The following ABCA4 variants were observed in gnomAD, a reference collection of about 807,000 sequenced individuals.
ABCA4 encodes the protein retinal-specific phospholipid-transporting ATPase ABCA4.
A neutral mutation model predicts 263.7 loss-of-function variants in ABCA4; 196 were observed. That is an observed-to-expected ratio of 0.74 (90% CI 0.66 to 0.84). ABCA4 has a LOEUF of 0.84. ABCA4 is among the 40% of genes least tolerant of loss of function. ABCA4 has a pLI of 0.00. For missense variants in ABCA4, 2,792 were observed against 2,855.1 expected (o/e 0.98, Z 0.50); for synonymous variants, 1,133 against 1,094.2 (o/e 1.04, Z -0.70).
At chr1:94,062,526 C>A in intron 13 of ABCA4, 51 bp downstream of exon 13, 1 of 1,603,446 alleles carries the variant, frequency 6.2e-7, no homozygotes, top group Non-Finnish European at 8.5e-7. Context: ...CAGCCCACTC[C>A]AGCACCCCCA....
At position 94,043,463 on chromosome 1, in the gene ABCA4, A is replaced by C. The variant is rs886046565; in HGVS notation, c.3063T>G (p.Ala1021=). 7 of 1,614,212 alleles carry C rather than the reference A, an allele frequency of 4.3e-6. No individual in the cohort carries two copies. In the East Asian group the frequency reaches 1.6e-4, roughly 36 times the overall value. Residue 1021 remains alanine (A), a synonymous_variant, in exon 21 of 50, where the codon GCT becomes GCG. Transcript: ENST00000370225. The part of the protein sequence containing the change: ...HNILFHHLTV[A]EHMLFYAQLK... ...GCTGGGCATAGAACAGCATGTGCTC[A>C]GCCACCGTGAGGCTAGGAGGATGGG...
In ABCA4 at chr1:94,019,645, G is replaced by T. The variant is rs560385739; in HGVS notation, c.5133C>A (p.His1711Gln). 4 of 1,612,776 alleles carry T rather than the reference G, an allele frequency of 2.5e-6. No individual in the cohort carries two copies. In the East Asian group the frequency reaches 6.7e-5, roughly 27 times the overall value. ...LIQERVNKSK[H>Q]LQFISGVSPT... Reference sequence around the variant, plus strand: ...GGCTCACTCCACTGATAAACTGGAGGTGCTTGGATTTGTTCACCCGCTCCT... The same window carrying T: ...GGCTCACTCCACTGATAAACTGGAGTTGCTTGGATTTGTTCACCCGCTCCT... The change falls in exon 36 of 50, where the codon CAC (histidine) becomes CAA (glutamine). Residue 1711 changes from histidine to glutamine, a missense_variant. Physicochemically the swap from His to Gln is conservative, Grantham distance 24. Transcript: ENST00000370225.
At chr1:94,041,160 T>C in intron 23 of ABCA4, 49 bp downstream of exon 23, 2 of 1,600,876 alleles carry the variant, frequency 1.2e-6, no homozygotes, top group South Asian at 2.2e-5. Context: ...CCCCGTGCTG[T>C]GTGCTCCTTC....
At chr1:94,016,493 C>T (rs960036399) in intron 36 of ABCA4, among the ~76,000 whole-genome samples, 1 of 152,060 alleles carries the variant, frequency 6.6e-6, no homozygotes, top group African/African-American at 2.4e-5. Context: ...GCAGCTGGAG[C>T]AGGGAGAGGA....
chr1:94,078,665 C>T lies in ABCA4; in HGVS notation c.1281G>A (p.Leu427=), dbSNP rs772208357. 1.9e-6 allele frequency: 3 copies of T among 1,612,268 alleles called. No individual in the cohort carries two copies. The Admixed American group carries it at 5.0e-5, about 27-fold the overall frequency. ...TFEELEHVRK[L]VKAWEEVGPQ... ...GCCCTACTTCTTCCCAGGCTTTGAC[C>T]AACTTCCTAACGTGTTCCAGTTCTT... is the stretch of plus-strand genomic sequence containing the variant. Residue 427 remains leucine (L), a synonymous_variant, in exon 10 of 50, where the codon TTG becomes TTA. Coordinates refer to ENST00000370225, the MANE Select transcript of ABCA4 (RefSeq NM_000350.3).
Position 94,062,837 on chromosome 1 carries a change from C to A in ABCA4, c.1761-84G>T, listed in dbSNP as rs1661169183. 2.1e-6 allele frequency: 3 copies of A among 1,426,664 alleles called. 1 individual carries two copies. In the South Asian group the frequency reaches 3.6e-5, roughly 17 times the overall value. 88.4% of individuals were successfully genotyped at this position (1,426,664 alleles called of 1,614,324 possible). Reference sequence around the variant, plus strand: ...CCCGACCACAGGGTGACTCGGAACTCATTCTCTTAAAATCTTTCTCCTAAA... The same window carrying A: ...CCCGACCACAGGGTGACTCGGAACTAATTCTCTTAAAATCTTTCTCCTAAA... On this transcript the variant is annotated intron_variant, in intron 12 of 49. Transcript: ENST00000370225.
At chr1:94,056,172 A>C (rs1173890456) in intron 15 of ABCA4, among the ~76,000 whole-genome samples, 1 of 152,226 alleles carries the variant, frequency 6.6e-6, no homozygotes, top group Non-Finnish European at 1.5e-5. Flanking sequence ...TTGTGGAAAT[A>C]CTCCAATTCA....
chr1:94,007,774 A>G (rs1659432738), intron 42 of ABCA4, 34 bp from the exon 43 acceptor site: 1 of 1,582,340 alleles, frequency 6.3e-7, no homozygotes, highest in Admixed American at 1.7e-5. Flanking sequence ...CTGGCCCTAG[A>G]GATCAAGAAG....
intron 25 of ABCA4, 129 bp from the exon 26 acceptor site, chr1:94,036,917 A>G (rs1660353607): frequency 1.0e-6 from 1 of 984,728 alleles, no homozygotes; most frequent in Non-Finnish European, 1.6e-6. Flanking sequence ...CTATCTGAGA[A>G]CATCATCTTC....
chr1:94,080,397 T>C, intron 8 of ABCA4, 81 bp downstream of exon 8: 1 of 1,581,874 alleles, frequency 6.3e-7, no homozygotes, highest in Non-Finnish European at 8.7e-7. Context: ...CAACCCCAGG[T>C]TTGGTTTCAC....
intron 11 of ABCA4, 44 bp from the exon 12 acceptor site, chr1:94,063,361 T>C: frequency 6.4e-7 from 1 of 1,570,682 alleles, no homozygotes; most frequent in Non-Finnish European, 8.8e-7. Context: ...GAGGACCAAC[T>C]GCAAAGACTC....
At position 94,051,686 on chromosome 1, in the gene ABCA4, G is replaced by A. The variant is rs2101063430; in HGVS notation, c.2600C>T (p.Thr867Ile). The change falls in exon 17 of 50, where the codon ACC becomes ATC. Residue 867 changes from threonine to isoleucine, a missense_variant. Coordinates refer to ENST00000370225, the MANE Select transcript of ABCA4 (RefSeq NM_000350.3). ...TAGAAGAAAGTACCAAGGAAGTGGG[G>A]TTCCATAGTCTCCTAAAAATAGAGA... The part of the protein sequence containing the change: ...LDQVFPGDYG[T>I]PLPWYFLLQE... The A allele has an allele frequency of 6.2e-7, 1 of 1,613,782 alleles. No individual in the cohort carries two copies.
intron 31 of ABCA4, among the ~76,000 whole-genome samples, chr1:94,024,001 T>C (rs1659971201): frequency 6.6e-6 from 1 of 152,204 alleles, no homozygotes; most frequent in South Asian, 2.1e-4. Flanking sequence ...ATACTGGAGA[T>C]TTGCTGCTGA....
At chr1:94,063,774 A>T (rs1371190885) in intron 11 of ABCA4, among the ~76,000 whole-genome samples, 2 of 152,222 alleles carry the variant, frequency 1.3e-5, no homozygotes, top group Non-Finnish European at 2.9e-5. Context: ...CTCTCCAAAC[A>T]CACAGGATGG....
At chr1:94,010,755 G>C (rs765657527) in intron 40 of ABCA4, 45 bp downstream of exon 40, 1 of 1,613,878 alleles carries the variant, frequency 6.2e-7, no homozygotes, top group South Asian at 1.1e-5. Flanking sequence ...TCCAGTTCTG[G>C]ATGCCCTGAG....
At position 94,010,853 on chromosome 1, in the gene ABCA4, C is replaced by T; in HGVS notation, c.5661G>A (p.Val1887=). ...KNLFAMVVEG[V]VYFLLTLLVQ... Reference sequence around the variant, plus strand: ...CCAGCAGGGTCAGGAGGAAGTACACCACCCCTTCCACCACCATGGCAAACA... The same window carrying T: ...CCAGCAGGGTCAGGAGGAAGTACACTACCCCTTCCACCACCATGGCAAACA... Residue 1887 remains valine, a synonymous_variant, in exon 40 of 50, where the codon GTG becomes GTA. Transcript: ENST00000370225. 1 of 1,614,086 alleles carries T rather than the reference C, an allele frequency of 6.2e-7. No homozygotes were observed. The highest frequency in any genetic ancestry group is 8.5e-7 in the Non-Finnish European group (1 of 1,179,998).
chr1:94,058,170 C>T (rs576704020), intron 14 of ABCA4, among the ~76,000 whole-genome samples: 124 of 152,226 alleles, frequency 8.1e-4, no homozygotes, highest in African/African-American at 2.9e-3. Context: ...ACAGAAGAGA[C>T]CCACGCTTAA....
Position 94,086,838 on chromosome 1 carries a change from A to G in ABCA4, c.769-3397T>C, listed in dbSNP as rs563414401. Among the ~76,000 whole-genome samples, 4 of 152,210 alleles carry G rather than the reference A, an allele frequency of 2.6e-5. No homozygotes were observed. In the South Asian group the frequency reaches 8.3e-4, roughly 32 times the overall value. On this transcript the variant is annotated intron_variant, in intron 6 of 49. Transcript: ENST00000370225. ...AATGGTGGCTTTGCTTTCCCTAAAG[A>G]CTAAGGGTTCCCTCCAAGAATACGA...
intron 14 of ABCA4, among the ~76,000 whole-genome samples, chr1:94,057,225 G>A (rs1027036480): frequency 2.6e-5 from 4 of 152,134 alleles, no homozygotes; most frequent in African/African-American, 9.7e-5. Context: ...CCTCAGTGGG[G>A]CCCTGAACCA....
Sources: gnomAD v4.1 joint callset for allele counts (sites outside exome capture counted in the v4.1 genomes callset) on GRCh38, gnomAD v4.1.1 for gene constraint, MANE v1.5 for transcripts, NCBI Gene and HGNC (gene_info 2026-07-23, HGNC 2026-07-21) for gene names.